The following DENND11 variants were observed in gnomAD, a reference collection of about 807,000 sequenced individuals.
DENND11 encodes DENN domain containing 11, also known as DENN domain-containing protein 11.
A neutral mutation model predicts 49.2 loss-of-function variants in DENND11; 34 were observed. That is an observed-to-expected ratio of 0.69 (90% confidence interval 0.53 to 0.92). The LOEUF is 0.92. Ranked by LOEUF, DENND11 falls within the 40% of genes least tolerant of loss-of-function variation. DENND11 has a pLI of 0.00. For synonymous variants in DENND11, 238 were observed against 230.3 expected (o/e 1.03, Z -0.30); for missense variants, 475 against 581.6 (o/e 0.82, Z 1.88).
chr7:141,697,582 T>C (rs1798436510), intron 1 of DENND11, among the ~76,000 whole-genome samples: 1 of 152,190 alleles, frequency 6.6e-6, no homozygotes, highest in Non-Finnish European at 1.5e-5. Flanking sequence ...CATCTTAAAA[T>C]TGTCCTCCAA....
In DENND11 at chr7:141,659,200, G is replaced by A. The variant is rs912114043; in HGVS notation, c.*3456C>T. ...CTCCCCCTAACCAGGTGGAAGCACA[G>A]ATGCTATAATGGATGATGGATATGG... is the stretch of plus-strand genomic sequence containing the variant. On this transcript the variant is annotated 3_prime_UTR_variant, in exon 9 of 9. Transcript: ENST00000536163. 1 of 152,248 alleles carries A rather than the reference G, an allele frequency of 6.6e-6. No homozygotes were observed. The highest frequency in any genetic ancestry group is 1.5e-5 in the Non-Finnish European group (1 of 68,054). The allele number at this position is 152,248 out of a possible 1,614,324, so 9.4% of individuals were successfully genotyped here. A position where few individuals can be genotyped will look rare whatever the true frequency, so the allele number is the denominator to read the frequency against.
chr7:141,681,819 G>C (rs1026631279), intron 3 of DENND11, among the ~76,000 whole-genome samples: 3 of 152,190 alleles, frequency 2.0e-5, no homozygotes, highest in Non-Finnish European at 1.5e-5. Context: ...AGAAAGGCAT[G>C]TTCTCCAATG....
At chr7:141,669,328 A>G (rs1209005541) in intron 4 of DENND11, among the ~76,000 whole-genome samples, 1 of 150,106 alleles carries the variant, frequency 6.7e-6, no homozygotes, top group Non-Finnish European at 1.5e-5. Flanking sequence ...GCTCACTGCA[A>G]CCTCCGCCTC....
chr7:141,673,648 A>G (rs554643901), intron 4 of DENND11, among the ~76,000 whole-genome samples: 1 of 152,364 alleles, frequency 6.6e-6, no homozygotes, highest in African/African-American at 2.4e-5. Context: ...AACTGTAAAT[A>G]GGCATATTCT....
At chr7:141,686,038 C>T (rs1164138922) in intron 2 of DENND11, among the ~76,000 whole-genome samples, 1 of 152,216 alleles carries the variant, frequency 6.6e-6, no homozygotes, top group African/African-American at 2.4e-5. Flanking sequence ...ATATTTTTCA[C>T]TGAGCTGCCA....
At position 141,702,029 on chromosome 7, in the gene DENND11, G is replaced by T; in HGVS notation, c.125C>A (p.Pro42Gln). ...CCGCCTCCGGGGCGGCTCCGCGGCC[G>T]GCCGGGCGCCCCCGCCGCCGCCCCG... ...WGRGGGGGAR[P>Q]AAEPPRRREP... The change falls in exon 1 of 9, where the codon CCG becomes CAG. Residue 42 changes from proline to glutamine, a missense_variant. By Grantham distance (76) the Pro-to-Gln change is moderately conservative (BLOSUM62 -1). Transcript: ENST00000536163. 9.6e-7 allele frequency: 1 copy of T among 1,041,892 alleles called. No individual in the cohort carries two copies. The highest frequency in any genetic ancestry group is 1.2e-6 in the Non-Finnish European group (1 of 867,958). 64.5% of individuals were successfully genotyped at this position (1,041,892 alleles called of 1,614,324 possible).
intron 1 of DENND11, among the ~76,000 whole-genome samples, chr7:141,694,350 T>C (rs1235447756): frequency 6.6e-6 from 1 of 151,930 alleles, no homozygotes; most frequent in East Asian, 1.9e-4. Context: ...AACCTCTAAC[T>C]CCAGGGCTCA....
At position 141,662,446 on chromosome 7, in the gene DENND11, C is replaced by G; in HGVS notation, c.*210G>C. ...GGAGAAAGTGGCAGATTCCAATATC[C>G]TAACATGGCAGGACACAAAACCAAG... On this transcript the variant is annotated 3_prime_UTR_variant, in exon 9 of 9. Coordinates refer to ENST00000536163, the MANE Select transcript of DENND11 (RefSeq NM_001080392.2). 1 of 434,302 alleles carries G rather than the reference C, an allele frequency of 2.3e-6. No homozygotes were observed. Among genetic ancestry groups the G allele is most frequent in the South Asian group, 7.1e-5 (1 of 14,086 alleles). The allele number at this position is 434,302 out of a possible 1,614,324, so 26.9% of individuals were successfully genotyped here.
intron 1 of DENND11, among the ~76,000 whole-genome samples, chr7:141,697,722 A>C (rs143045946): frequency 1.3e-5 from 2 of 152,014 alleles, no homozygotes; most frequent in East Asian, 1.9e-4. Context: ...CCCTATTCTC[A>C]CTGGGCCTCC....
At chr7:141,669,843 G>T (rs986473318) in intron 4 of DENND11, among the ~76,000 whole-genome samples, 1 of 117,920 alleles carries the variant, frequency 8.5e-6, no homozygotes, top group East Asian at 2.5e-4. Context: ...ACGGAGTCTC[G>T]CTGTCGCCCA....
rs1409999315 is a variant in DENND11 at position 141,665,267 on chromosome 7, G to C, written c.872C>G (p.Thr291Ser). Reference sequence around the variant, plus strand: ...GAAGAAAGGTTTGGACTCAGGAATGGTGCCCCCGATGCCAGGCAGTGAAAC... The same window carrying C: ...GAAGAAAGGTTTGGACTCAGGAATGCTGCCCCCGATGCCAGGCAGTGAAAC... ...ANVSLPGIGG[T>S]IPESKPFFYV... The change falls in exon 6 of 9, where the codon ACC (threonine) becomes AGC (serine). Residue 291 changes from threonine to serine, a missense_variant. Thr to Ser is a moderately conservative substitution (Grantham distance 58). Coordinates refer to ENST00000536163, the MANE Select transcript of DENND11 (RefSeq NM_001080392.2). The C allele has an allele frequency of 1.2e-6, 2 of 1,613,706 alleles. No individual in the cohort carries two copies. The highest frequency in any genetic ancestry group is 2.7e-5 in the African/African-American group (2 of 74,916).
intron 1 of DENND11, among the ~76,000 whole-genome samples, chr7:141,689,411 A>G (rs550694101): frequency 6.6e-6 from 1 of 152,332 alleles, no homozygotes; most frequent in East Asian, 1.9e-4. Flanking sequence ...ATGAGAACAC[A>G]TGGACACAGG....
At position 141,666,299 on chromosome 7, in the gene DENND11, C is replaced by T. The variant is rs1222058941; in HGVS notation, c.808G>A (p.Val270Met). 2.5e-6 allele frequency: 4 copies of T among 1,611,602 alleles called. No individual in the cohort carries two copies. In the African/African-American group the frequency reaches 4.0e-5, roughly 16 times the overall value. The change falls in exon 5 of 9, where the codon GTG (valine) becomes ATG (methionine). Residue 270 changes from valine to methionine, a missense_variant. Coordinates refer to ENST00000536163, the MANE Select transcript of DENND11 (RefSeq NM_001080392.2). ...LIFSPPPVGV[V>M]CYRVYCCCCL... ...GGCTTCTGGTTACCTCTATAGCACACCACGCCCACAGGTGGGGGAGAAAAT... is the reference window on the plus strand; with the variant it reads ...GGCTTCTGGTTACCTCTATAGCACATCACGCCCACAGGTGGGGGAGAAAAT...
chr7:141,679,626 C>T (rs1419068764), intron 3 of DENND11, among the ~76,000 whole-genome samples: 1 of 151,482 alleles, frequency 6.6e-6, no homozygotes, highest in East Asian at 1.9e-4. Flanking sequence ...GCAGGAGAAT[C>T]GCTTGAACCT....
intron 1 of DENND11, among the ~76,000 whole-genome samples, chr7:141,693,385 T>C (rs558120563): frequency 1.1e-3 from 175 of 152,358 alleles, no homozygotes; most frequent in African/African-American, 4.1e-3. Flanking sequence ...CAGGAATTCA[T>C]TGCTGGTGGG....
chr7:141,694,443 T>C (rs945420804), intron 1 of DENND11, among the ~76,000 whole-genome samples: 10 of 152,110 alleles, frequency 6.6e-5, no homozygotes, highest in African/African-American at 2.2e-4. Context: ...TAAATTTTTA[T>C]AGAGATGAGG....
chr7:141,701,417 G>A lies in DENND11; in HGVS notation c.268+469C>T, dbSNP rs942669948. 162 of 128,856 alleles carry A rather than the reference G, an allele frequency of 1.3e-3. 2 individuals are homozygous for A. The highest frequency in any genetic ancestry group is 4.6e-3 in the African/African-American group (158 of 34,584). 8.0% of individuals were successfully genotyped at this position (128,856 alleles called of 1,614,324 possible). ...CGAGCGGGGAGCGGGGGACGGGGTG[G>A]GGGGCGAGCGGGGAGCGGGGGACGG... On this transcript the variant is annotated intron_variant, in intron 1 of 8. Transcript: ENST00000536163.
chr7:141,667,476 T>C (rs1797913278), intron 4 of DENND11, among the ~76,000 whole-genome samples: 1 of 152,126 alleles, frequency 6.6e-6, no homozygotes, highest in Admixed American at 6.5e-5. Flanking sequence ...AGACAAAACA[T>C]GAAATAGCAC....
chr7:141,666,450 A>T (rs761846847), intron 4 of DENND11, 25 bp from the exon 5 acceptor site: 27 of 1,546,918 alleles, frequency 1.7e-5, no homozygotes, highest in Non-Finnish European at 2.4e-5. Context: ...GGGAATAGGG[A>T]GGAGAAAGAG....
Sources: allele counts gnomAD v4.1 joint callset (sites outside exome capture counted in the v4.1 genomes callset), GRCh38; gene constraint gnomAD v4.1.1; transcripts MANE v1.5; gene names NCBI Gene and HGNC (gene_info 2026-07-23, HGNC 2026-07-21).